DNM3: variants seen among roughly 807,000 people sequenced by gnomAD.
DNM3 encodes dynamin 3.
DNM3 carries 47 observed loss-of-function variants against 101.6 expected under a neutral mutation model. That is an observed-to-expected ratio of 0.46 (90% confidence interval 0.37 to 0.59). The LOEUF is 0.59. Ranked by LOEUF, DNM3 falls within the 20% of genes least tolerant of loss-of-function variation. The pLI, the probability that DNM3 is intolerant of heterozygous loss-of-function variation, is 0.00. For missense variants in DNM3, 849 were observed against 1,085.7 expected, an observed-to-expected ratio of 0.78 and a Z score of 3.06; for synonymous variants, 385 against 387.9, an observed-to-expected ratio of 0.99 and a Z score of 0.09.
intron 15 of DNM3, among the ~76,000 whole-genome samples, chr1:172,274,189 A>G (rs540596425): frequency 6.6e-6 from 1 of 152,124 alleles, no homozygotes; most frequent in Admixed American, 6.6e-5. Context: ...CAACCCCAAT[A>G]TAAAAACCGA....
At chr1:172,225,631 T>C (rs1017584684) in intron 14 of DNM3, among the ~76,000 whole-genome samples, 4 of 151,946 alleles carry the variant, frequency 2.6e-5, no homozygotes, top group Admixed American at 2.6e-4. Context: ...CCTATAAAAA[T>C]GCATTAACAA....
At chr1:171,968,198 T>C (rs910485154) in intron 2 of DNM3, among the ~76,000 whole-genome samples, 1 of 152,256 alleles carries the variant, frequency 6.6e-6, no homozygotes, top group African/African-American at 2.4e-5. Flanking sequence ...TTCTCTGCTA[T>C]TGAGGCTTCT....
chr1:172,054,180 T>C (rs562563867), intron 10 of DNM3, among the ~76,000 whole-genome samples: 1 of 152,348 alleles, frequency 6.6e-6, no homozygotes, highest in African/African-American at 2.4e-5. Flanking sequence ...CCTTAAATGC[T>C]TTTTTCTTAA....
chr1:172,092,483 G>A (rs2053977008), intron 12 of DNM3, among the ~76,000 whole-genome samples: 1 of 152,110 alleles, frequency 6.6e-6, no homozygotes, highest in Non-Finnish European at 1.5e-5. Flanking sequence ...TTAGAACATG[G>A]CATATACTCA....
intron 9 of DNM3, among the ~76,000 whole-genome samples, chr1:172,048,403 G>T (rs1464797254): frequency 6.6e-6 from 1 of 152,072 alleles, no homozygotes; most frequent in Non-Finnish European, 1.5e-5. Flanking sequence ...TTATTGCTGC[G>T]AAACAGCAAG....
intron 13 of DNM3, among the ~76,000 whole-genome samples, chr1:172,127,821 C>A (rs1039734697): frequency 6.6e-6 from 1 of 152,104 alleles, no homozygotes; most frequent in East Asian, 1.9e-4. Context: ...TCACTACCAT[C>A]ACCTCCTTTG....
chr1:171,928,103 T>A (rs1394929861), intron 2 of DNM3, among the ~76,000 whole-genome samples: 1 of 152,182 alleles, frequency 6.6e-6, no homozygotes. Context: ...GGGTGGGGTA[T>A]GTTAGTGAGG....
At chr1:172,262,361 G>C (rs2062693160) in intron 15 of DNM3, among the ~76,000 whole-genome samples, 1 of 152,164 alleles carries the variant, frequency 6.6e-6, no homozygotes, top group Non-Finnish European at 1.5e-5. Context: ...GCAGCTTGGT[G>C]GGGTGGGGGC....
chr1:171,933,785 A>T (rs1247825537), intron 2 of DNM3, among the ~76,000 whole-genome samples: 1 of 152,190 alleles, frequency 6.6e-6, no homozygotes, highest in Non-Finnish European at 1.5e-5. Context: ...AATAAAGGAT[A>T]GTGTGATTGA....
At chr1:171,880,141 C>T (rs2036137570) in intron 1 of DNM3, among the ~76,000 whole-genome samples, 1 of 152,210 alleles carries the variant, frequency 6.6e-6, no homozygotes, top group South Asian at 2.1e-4. Flanking sequence ...GTATCAGCCA[C>T]AGATGCTTTT....
At chr1:172,063,913 C>T (rs989734015) in intron 10 of DNM3, among the ~76,000 whole-genome samples, 3 of 152,030 alleles carry the variant, frequency 2.0e-5, no homozygotes, top group Admixed American at 6.6e-5. Flanking sequence ...CTCAGAGGAC[C>T]TCTCACACCT....
rs910966686 is a variant in DNM3 at position 172,410,308 on chromosome 1, G to A, written c.*2467G>A. The A allele has an allele frequency of 1.0e-6, 1 of 985,216 alleles. No homozygotes were observed. The highest frequency in any genetic ancestry group is 1.2e-6 in the Non-Finnish European group (1 of 829,866). 61.0% of individuals were successfully genotyped at this position (985,216 alleles called of 1,614,324 possible). A position where few individuals can be genotyped will look rare whatever the true frequency, so the allele number is the denominator to read the frequency against. ...GTGCAGCATGCACACCAGGCCTTAA[G>A]ATGGGAATGTAGCTTAATGATTTTC... On this transcript the variant is annotated 3_prime_UTR_variant, in exon 21 of 21. Coordinates refer to ENST00000627582, the MANE Select transcript of DNM3 (RefSeq NM_015569.5).
Position 172,334,976 on chromosome 1 carries a change from G to T in DNM3, c.1893+11636G>T, listed in dbSNP as rs2066354027. 2.6e-5 allele frequency among the ~76,000 whole-genome samples: 4 copies of T among 152,222 alleles called. No homozygotes were observed. In the South Asian group the frequency reaches 8.3e-4, roughly 32 times the overall value. On this transcript the variant is annotated intron_variant, in intron 17 of 20. Coordinates refer to ENST00000627582, the MANE Select transcript of DNM3 (RefSeq NM_015569.5). ...AAAAGTAAAATATTTCTGTATTTGA[G>T]CAAGAGAACAAGATACAAAAATAGA... is the stretch of plus-strand genomic sequence containing the variant.
At chr1:172,158,226 C>T (rs971956358) in intron 14 of DNM3, among the ~76,000 whole-genome samples, 2 of 151,600 alleles carry the variant, frequency 1.3e-5, no homozygotes, top group Non-Finnish European at 2.9e-5. Flanking sequence ...GCCTGGAGGC[C>T]AGAGGAGCTA....
At chr1:171,921,122 T>C (rs2040129974) in intron 1 of DNM3, among the ~76,000 whole-genome samples, 2 of 151,696 alleles carry the variant, frequency 1.3e-5, no homozygotes, top group Admixed American at 1.3e-4. Context: ...TTTTTCTTTT[T>C]TTTTTTGTAG....
intron 15 of DNM3, among the ~76,000 whole-genome samples, chr1:172,297,820 G>A (rs1461278061): frequency 1.3e-5 from 2 of 151,820 alleles, no homozygotes; most frequent in Non-Finnish European, 2.9e-5. Flanking sequence ...CCACCTGATT[G>A]TACTTTTGAT....
chr1:172,289,024 A>T lies in DNM3; in HGVS notation c.1770-19704A>T, dbSNP rs2757484. ...TAGGAGTTTCACATTTCTATTCATG[A>T]GTGAGATTGGTTTAAAGCGATATAT... On this transcript the variant is annotated intron_variant, in intron 15 of 20. Transcript: ENST00000627582. Among the ~76,000 whole-genome samples the T allele has an allele frequency of 4.8e-3, 725 of 152,092 alleles. 4 individuals carry two copies. Among genetic ancestry groups the T allele is most frequent in the African/African-American group, 0.016 (682 of 41,462 alleles).
At position 171,952,376 on chromosome 1, in the gene DNM3, G is replaced by A. The variant is rs147953768; in HGVS notation, c.235+30555G>A. ...CTATCTGTCATGTGATGCTACATGAGTCAGGTTGGAATTTGGTATCTTATT... is the reference window on the plus strand; with the variant it reads ...CTATCTGTCATGTGATGCTACATGAATCAGGTTGGAATTTGGTATCTTATT... On this transcript the variant is annotated intron_variant, in intron 2 of 20. Coordinates refer to ENST00000627582, the MANE Select transcript of DNM3 (RefSeq NM_015569.5). 6.4e-3 allele frequency among the ~76,000 whole-genome samples: 974 copies of A among 152,276 alleles called. 11 individuals carry two copies. Among genetic ancestry groups the A allele is most frequent in the African/African-American group, 0.022 (911 of 41,556 alleles).
At chr1:172,381,846 G>C (rs1464126541) in intron 18 of DNM3, among the ~76,000 whole-genome samples, 1 of 152,220 alleles carries the variant, frequency 6.6e-6, no homozygotes, top group East Asian at 1.9e-4. Flanking sequence ...AAAGCTAATT[G>C]TTCCTCCAGA....
Sources: allele counts gnomAD v4.1 joint callset (sites outside exome capture counted in the v4.1 genomes callset), GRCh38; gene constraint gnomAD v4.1.1; transcripts MANE v1.5; gene names NCBI Gene and HGNC (gene_info 2026-07-23, HGNC 2026-07-21).